Variants in BORA observed in about 807,000 individuals in gnomAD.
The protein encoded by BORA is protein aurora borealis.
A neutral mutation model predicts 55.8 loss-of-function variants in BORA; 26 were observed. The observed-to-expected ratio is 0.47, with a 90% CI of 0.34 to 0.65. The LOEUF (loss-of-function observed/expected upper bound fraction) is 0.65. BORA is among the 30% of genes least tolerant of loss of function. The pLI is 0.01. For synonymous variants in BORA, 201 were observed against 216.9 expected (o/e 0.93, Z 0.64); for missense variants, 568 against 671.5 (o/e 0.85, Z 1.70).
chr13:72,734,073 A>G (rs1161754737), intron 3 of BORA, among the ~76,000 whole-genome samples: 1 of 152,154 alleles, frequency 6.6e-6, no homozygotes, highest in Non-Finnish European at 1.5e-5. Context: ...GAGGAGGGAG[A>G]TCAGGAAAAA....
intron 10 of BORA, among the ~76,000 whole-genome samples, chr13:72,750,364 AATAACGTGTGTAG>A (rs2138102503): frequency 6.6e-6 from 1 of 152,358 alleles, no homozygotes; most frequent in African/African-American, 2.4e-5. Flanking sequence ...GAAGTAATGA[AATAACGTGTGTAG>A]ATAACTCTGG....
chr13:72,734,253 T>A (rs2032874280), intron 3 of BORA, among the ~76,000 whole-genome samples: 1 of 152,168 alleles, frequency 6.6e-6, no homozygotes, highest in Non-Finnish European at 1.5e-5. Flanking sequence ...AAAATATGTC[T>A]TACCAATTTA....
rs1265253285 is a variant in BORA at position 72,755,370 on chromosome 13, AG to A, written c.*156del. On this transcript the variant is annotated 3_prime_UTR_variant, in exon 12 of 12. Transcript: ENST00000390667. ...TGAAAAATCAAGGGCTTACTGACAT[AG>A]GAACAACAGAAATGCTCCTGGAACT... 15 of 570,446 alleles carry A rather than the reference AG, an allele frequency of 2.6e-5. No homozygotes were observed. Among genetic ancestry groups the A allele is most frequent in the Non-Finnish European group, 4.6e-5 (15 of 328,674 alleles). 35.3% of individuals were successfully genotyped at this position (570,446 alleles called of 1,614,324 possible).
intron 10 of BORA, among the ~76,000 whole-genome samples, chr13:72,748,404 T>C (rs1206665386): frequency 6.6e-6 from 1 of 152,212 alleles, no homozygotes; most frequent in African/African-American, 2.4e-5. Context: ...CAGGCACTCT[T>C]CTAACCACTT....
chr13:72,756,132 T>G lies in BORA; in HGVS notation c.*916T>G, dbSNP rs2033463870. ...ATACTATCTTTGGAGAATGTATTTT[T>G]GTATTTATAAATCAACTTTTAAAAA... On this transcript the variant is annotated 3_prime_UTR_variant, in exon 12 of 12. Coordinates refer to ENST00000390667, the MANE Select transcript of BORA (RefSeq NM_024808.5). The G allele has an allele frequency of 2.8e-6, 1 of 359,080 alleles. No homozygotes were observed. The highest frequency in any genetic ancestry group is 4.8e-6 in the Non-Finnish European group (1 of 206,470). 22.2% of individuals were successfully genotyped at this position (359,080 alleles called of 1,614,324 possible).
At chr13:72,735,145 C>T (rs996667672) in intron 4 of BORA, 140 bp downstream of exon 4, 1 of 666,326 alleles carries the variant, frequency 1.5e-6, no homozygotes, top group East Asian at 2.8e-5. Context: ...CTATATAAAG[C>T]ACCCTTCTGT....
At chr13:72,740,763 G>C (rs1037305401) in intron 5 of BORA, among the ~76,000 whole-genome samples, 1 of 152,150 alleles carries the variant, frequency 6.6e-6, no homozygotes, top group African/African-American at 2.4e-5. Flanking sequence ...TAAAAAAATA[G>C]GTGAAAGGCC....
chr13:72,735,142 A>G, intron 4 of BORA, 137 bp downstream of exon 4: 1 of 670,918 alleles, frequency 1.5e-6, no homozygotes. Context: ...CATCTATATA[A>G]AGCACCCTTC....
At chr13:72,730,998 G>A (rs187016318) in intron 2 of BORA, among the ~76,000 whole-genome samples, 1,903 of 152,168 alleles carry the variant, frequency 0.013, 48 homozygotes, top group African/African-American at 0.044. Flanking sequence ...AACCGGGGAG[G>A]TGGAGGTTGC....
intron 6 of BORA, 71 bp downstream of exon 6, chr13:72,743,673 G>C (rs2033082697): frequency 1.7e-6 from 2 of 1,160,550 alleles, no homozygotes; most frequent in South Asian, 2.9e-5. Flanking sequence ...ACCCAGTTCA[G>C]GTAGTAACAC....
chr13:72,731,248 C>T (rs1733569704), intron 2 of BORA, 33 bp from the exon 3 acceptor site: 1 of 1,352,618 alleles, frequency 7.4e-7, no homozygotes, highest in South Asian at 1.2e-5. Flanking sequence ...TTTTAGTTTG[C>T]CTTTACTCAT....
In BORA at chr13:72,729,241, G is replaced by C. The variant is rs988813340; in HGVS notation, c.153+148G>C. ...GCAATATACTTTTTTAAATTGTAGT[G>C]TTCATTATAATCTAGTGGTTAGGTT... On this transcript the variant is annotated intron_variant, in intron 2 of 11. Transcript: ENST00000390667. 9 of 718,402 alleles carry C rather than the reference G, an allele frequency of 1.3e-5. No homozygotes were observed. In the African/African-American group the frequency reaches 1.7e-4, roughly 13 times the overall value. 44.5% of individuals were successfully genotyped at this position (718,402 alleles called of 1,614,324 possible).
Position 72,755,161 on chromosome 13 carries a change from C to T in BORA, c.1625C>T (p.Thr542Ile), listed in dbSNP as rs1566232304. The stretch of plus-strand genomic sequence containing the variant: ...TCTTCTTTTTCACAGCAAGACCACA[C>T]AACACAGAGGTGTTGGATGAAAACA... Reference protein sequence around the residue: ...SQAFNMKQDHTTQRCWMKTAS... With the variant: ...SQAFNMKQDHITQRCWMKTAS... The change falls in exon 12 of 12, where the codon ACA (threonine) becomes ATA (isoleucine). Residue 542 changes from threonine to isoleucine, a missense_variant. Thr to Ile is a moderately conservative substitution (Grantham distance 89). Transcript: ENST00000390667. The T allele has an allele frequency of 1.2e-6, 2 of 1,613,646 alleles. No individual in the cohort carries two copies. The highest frequency in any genetic ancestry group is 1.7e-5 in the Admixed American group (1 of 60,002).
intron 2 of BORA, among the ~76,000 whole-genome samples, chr13:72,730,958 C>T (rs2032800877): frequency 6.6e-6 from 1 of 150,728 alleles, no homozygotes; most frequent in African/African-American, 2.4e-5. Flanking sequence ...ATCCCAGCTA[C>T]TCAGGAGGCT....
At chr13:72,737,235 G>A (rs1593809076) in intron 4 of BORA, among the ~76,000 whole-genome samples, 1 of 152,132 alleles carries the variant, frequency 6.6e-6, no homozygotes, top group East Asian at 1.9e-4. Flanking sequence ...GGTCGTGGAA[G>A]GAGTACGATT....
Position 72,745,988 on chromosome 13 carries a change from C to G in BORA, c.783C>G (p.Tyr261Ter), listed in dbSNP as rs1396300241. 5.6e-6 allele frequency: 9 copies of G among 1,612,874 alleles called. No homozygotes were observed. Among genetic ancestry groups the G allele is most frequent in the Non-Finnish European group, 5.9e-6 (7 of 1,179,192 alleles). Reference protein sequence around the residue: ...SSPIQASAKKYSLGSITSPSP... With the variant: ...SSPIQASAKK ...CTATTCAGGCTAGTGCAAAAAAATA[C>G]AGCTTGGGAAGCATAACTAGTCCTT... The change falls in exon 9 of 12, where the codon TAC (tyrosine) becomes TAG (stop). Residue 261 changes from tyrosine (Y) to a stop codon, truncating the protein, a stop_gained. Transcript: ENST00000390667. LOFTEE classifies it high-confidence loss of function.
chr13:72,753,220 A>C (rs898478972), intron 10 of BORA: 2 of 152,508 alleles, frequency 1.3e-5, no homozygotes, highest in Non-Finnish European at 2.9e-5. Context: ...TTTTATTAAC[A>C]TGAAAAGCTG....
In BORA at chr13:72,755,267, CGTT is replaced by C. The variant is rs558968751; in HGVS notation, c.*54_*56del. 1.6e-5 allele frequency: 24 copies of C among 1,457,618 alleles called. No homozygotes were observed. Among genetic ancestry groups the C allele is most frequent in the Non-Finnish European group, 2.2e-5 (23 of 1,042,086 alleles). The allele number at this position is 1,457,618 out of a possible 1,614,324, so 90.3% of individuals were successfully genotyped here. A position where few individuals can be genotyped will look rare whatever the true frequency, so the allele number is the denominator to read the frequency against. On this transcript the variant is annotated 3_prime_UTR_variant, in exon 12 of 12. Coordinates refer to ENST00000390667, the MANE Select transcript of BORA (RefSeq NM_024808.5). ...AAGCTTAAGAGTTCCTCGCATATAT[CGTT>C]GTGCACAGGATCAACATGATGGTGA...
At position 72,731,346 on chromosome 13, in the gene BORA, A is replaced by G. The variant is rs1327107807; in HGVS notation, c.219A>G (p.Pro73=). 1 of 1,612,502 alleles carries G rather than the reference A, an allele frequency of 6.2e-7. No individual in the cohort carries two copies. The change falls in exon 3 of 12, where the codon CCA becomes CCG. Residue 73 remains proline (P), a synonymous_variant. Coordinates refer to ENST00000390667, the MANE Select transcript of BORA (RefSeq NM_024808.5). ...LAVINPVEID[P]EDIHRQALYL... ...TAATAAATCCTGTAGAAATAGACCCAGAAGATATTCATCGTCAAGCTTTAT... is the reference window on the plus strand; with the variant it reads ...TAATAAATCCTGTAGAAATAGACCCGGAAGATATTCATCGTCAAGCTTTAT...
Sources: gnomAD v4.1 joint callset for allele counts (sites outside exome capture counted in the v4.1 genomes callset) on GRCh38, gnomAD v4.1.1 for gene constraint, MANE v1.5 for transcripts, NCBI Gene and HGNC (gene_info 2026-07-23, HGNC 2026-07-21) for gene names.